Variants in CADM2 observed in about 807,000 individuals in gnomAD.
CADM2 encodes immunoglobulin superfamily member 4D.
A neutral mutation model predicts 49.8 loss-of-function variants in CADM2; 12 were observed. That is an observed-to-expected ratio of 0.24 (90% CI 0.15 to 0.39). The LOEUF is 0.39. CADM2 is among the 10% of genes least tolerant of loss of function. The pLI is 1.00. For missense variants in CADM2, 378 were observed against 492.3 expected (o/e 0.77, Z 2.20); for synonymous variants, 214 against 175.4 (o/e 1.22, Z -1.74).
intron 3 of CADM2, among the ~76,000 whole-genome samples, chr3:85,825,216 A>G (rs548159585): frequency 1.6e-4 from 25 of 152,238 alleles, no homozygotes; most frequent in African/African-American, 5.8e-4. Flanking sequence ...AGATCACAGT[A>G]GAAAACACAT....
At chr3:85,325,805 T>C (rs1165219837) in intron 1 of CADM2, among the ~76,000 whole-genome samples, 1 of 152,138 alleles carries the variant, frequency 6.6e-6, no homozygotes, top group Non-Finnish European at 1.5e-5. Flanking sequence ...TCCTTTCAAA[T>C]TTCCCCATTT....
chr3:85,296,646 T>C (rs2043971787), intron 1 of CADM2, among the ~76,000 whole-genome samples: 1 of 152,080 alleles, frequency 6.6e-6, no homozygotes, highest in South Asian at 2.1e-4. Flanking sequence ...TCTTCATTCC[T>C]ACAGAATAAA....
intron 1 of CADM2, among the ~76,000 whole-genome samples, chr3:85,685,250 G>A (rs2066167904): frequency 6.6e-6 from 1 of 152,210 alleles, no homozygotes; most frequent in Non-Finnish European, 1.5e-5. Context: ...TAGGGTAAGT[G>A]TGTCACAGAT....
chr3:85,173,975 C>A (rs1314736785), intron 1 of CADM2, among the ~76,000 whole-genome samples: 1 of 152,018 alleles, frequency 6.6e-6, no homozygotes, highest in African/African-American at 2.4e-5. Context: ...TTAAGGGACT[C>A]AGGAGGTAAT....
intron 1 of CADM2, among the ~76,000 whole-genome samples, chr3:85,468,864 T>A (rs978019738): frequency 6.6e-6 from 1 of 152,170 alleles, no homozygotes; most frequent in Non-Finnish European, 1.5e-5. Flanking sequence ...TCAGACTTAT[T>A]GGCAGCCCCT....
chr3:85,650,244 A>G (rs1244012539), intron 1 of CADM2, among the ~76,000 whole-genome samples: 1 of 152,160 alleles, frequency 6.6e-6, no homozygotes, highest in Non-Finnish European at 1.5e-5. Context: ...TCTGTTACCC[A>G]TTACACTACT....
intron 3 of CADM2, among the ~76,000 whole-genome samples, chr3:85,859,517 C>A (rs538878175): frequency 6.6e-6 from 1 of 152,228 alleles, no homozygotes; most frequent in Admixed American, 6.5e-5. Context: ...CAGGCATGAG[C>A]CACTGTGCCT....
chr3:85,094,746 A>G lies in CADM2; in HGVS notation c.61+135078A>G, dbSNP rs187539953. On this transcript the variant is annotated intron_variant, in intron 1 of 9. Coordinates refer to ENST00000383699, the MANE Select transcript of CADM2 (RefSeq NM_001167675.2). The stretch of plus-strand genomic sequence containing the variant: ...ATTATAATAACTTTGTACCAAGTGC[A>G]TACTTTTGCTCAAAGATACGTTTAA... 1.5e-4 allele frequency among the ~76,000 whole-genome samples: 23 copies of G among 152,326 alleles called. 1 individual carries two copies. The highest frequency in any genetic ancestry group is 2.5e-4 in the Non-Finnish European group (17 of 68,018).
At chr3:85,437,879 T>A (rs187969934) in intron 1 of CADM2, among the ~76,000 whole-genome samples, 1 of 151,998 alleles carries the variant, frequency 6.6e-6, no homozygotes, top group Non-Finnish European at 1.5e-5. Context: ...GGCTTTTAAA[T>A]TAAATTTCAT....
At chr3:85,304,490 A>G (rs1156234492) in intron 1 of CADM2, among the ~76,000 whole-genome samples, 3 of 151,754 alleles carry the variant, frequency 2.0e-5, no homozygotes, top group South Asian at 2.1e-4. Flanking sequence ...CTTCTAACAT[A>G]TGGTTATTGA....
At chr3:85,155,793 A>G (rs543139152) in intron 1 of CADM2, among the ~76,000 whole-genome samples, 2 of 152,330 alleles carry the variant, frequency 1.3e-5, no homozygotes, top group South Asian at 2.1e-4. Flanking sequence ...ATCTCACTCA[A>G]AACTGCTCAA....
chr3:85,135,935 C>T (rs753853723), intron 1 of CADM2, among the ~76,000 whole-genome samples: 6 of 151,990 alleles, frequency 3.9e-5, no homozygotes, highest in Non-Finnish European at 8.8e-5. Context: ...TTTATATTCT[C>T]ATCAAGTAAA....
At chr3:85,654,709 TC>T (rs1430819563) in intron 1 of CADM2, among the ~76,000 whole-genome samples, 1 of 152,156 alleles carries the variant, frequency 6.6e-6, no homozygotes, top group East Asian at 1.9e-4. Context: ...TTGTTCTTTT[TC>T]CCCATGCATA....
intron 8 of CADM2, among the ~76,000 whole-genome samples, chr3:85,972,877 T>C (rs892147934): frequency 1.3e-5 from 2 of 151,722 alleles, no homozygotes; most frequent in Non-Finnish European, 2.9e-5. Context: ...TTCTAAAAAA[T>C]CCTTCATTAG....
chr3:84,970,455 A>G (rs1051333336), intron 1 of CADM2, among the ~76,000 whole-genome samples: 6 of 105,850 alleles, frequency 5.7e-5, no homozygotes. Context: ...TCCCAGTGAA[A>G]TGCGACTTTT....
intron 1 of CADM2, among the ~76,000 whole-genome samples, chr3:85,189,615 G>A (rs372215466): frequency 1.2e-4 from 18 of 152,062 alleles, no homozygotes; most frequent in South Asian, 2.1e-4. Context: ...GTACTGTTAC[G>A]CCAAGATACA....
chr3:85,953,960 T>C (rs1723749150), intron 7 of CADM2, among the ~76,000 whole-genome samples: 1 of 150,930 alleles, frequency 6.6e-6, no homozygotes, highest in Non-Finnish European at 1.5e-5. Flanking sequence ...TGAAGTTTTG[T>C]TTTTTTCTCA....
intron 2 of CADM2, among the ~76,000 whole-genome samples, chr3:85,783,073 A>T (rs941991626): frequency 6.6e-6 from 1 of 152,202 alleles, no homozygotes; most frequent in Non-Finnish European, 1.5e-5. Flanking sequence ...CTCTGGTAAT[A>T]TGCCAGTTGA....
chr3:85,444,809 A>T (rs2107551241), intron 1 of CADM2, among the ~76,000 whole-genome samples: 1 of 152,296 alleles, frequency 6.6e-6, no homozygotes. Context: ...AATTCCTTGA[A>T]CACTTTTATT....
Sources: gnomAD v4.1 joint callset for allele counts (sites outside exome capture counted in the v4.1 genomes callset) on GRCh38, gnomAD v4.1.1 for gene constraint, MANE v1.5 for transcripts, NCBI Gene and HGNC (gene_info 2026-07-23, HGNC 2026-07-21) for gene names.